CHN1: variants seen among roughly 807,000 people sequenced by gnomAD.
CHN1 encodes the protein N-chimaerin.
CHN1 carries 37 observed loss-of-function variants against 59.5 expected under a neutral mutation model. The observed-to-expected ratio is 0.62, with a 90% CI of 0.48 to 0.82. The LOEUF (loss-of-function observed/expected upper bound fraction) is 0.82. CHN1 is among the 40% of genes least tolerant of loss of function. The pLI, the probability that CHN1 is intolerant of heterozygous loss-of-function variation, is 0.00. For missense variants in CHN1, 469 were observed against 571.0 expected (o/e 0.82, Z 1.82); for synonymous variants, 206 against 200.4 (o/e 1.03, Z -0.24).
chr2:174,858,383 T>C (rs140304561), intron 6 of CHN1, among the ~76,000 whole-genome samples: 1 of 152,136 alleles, frequency 6.6e-6, no homozygotes, highest in South Asian at 2.1e-4. Context: ...TTTTGAAAAT[T>C]TGCTTTTATT....
At chr2:174,925,392 A>C (rs1689139008) in intron 3 of CHN1, among the ~76,000 whole-genome samples, 1 of 152,242 alleles carries the variant, frequency 6.6e-6, no homozygotes, top group African/African-American at 2.4e-5. Context: ...TTATCCCAAA[A>C]TATATTTCTT....
chr2:174,803,374 T>C (rs1684789115), intron 11 of CHN1, among the ~76,000 whole-genome samples: 2 of 152,212 alleles, frequency 1.3e-5, no homozygotes, highest in African/African-American at 4.8e-5. Context: ...TCTTCACAGT[T>C]CCTGGCTCAT....
chr2:174,935,494 T>C (rs1193625), intron 3 of CHN1, among the ~76,000 whole-genome samples: 15,342 of 152,268 alleles, frequency 0.1, 1,688 homozygotes, highest in African/African-American at 0.27. Flanking sequence ...TTCCACCCTA[T>C]AAGCATTTAA....
chr2:174,913,331 T>C (rs560836311), intron 5 of CHN1, among the ~76,000 whole-genome samples: 1 of 152,296 alleles, frequency 6.6e-6, no homozygotes, highest in South Asian at 2.1e-4. Context: ...TTCTGGACCA[T>C]TTACATCAAG....
chr2:174,946,814 A>G (rs1044906712), intron 2 of CHN1, among the ~76,000 whole-genome samples: 2 of 150,810 alleles, frequency 1.3e-5, no homozygotes, highest in African/African-American at 2.4e-5. Flanking sequence ...TTGTAATCCC[A>G]GCACTTTGGG....
chr2:174,984,725 T>C (rs1691282781), intron 1 of CHN1, among the ~76,000 whole-genome samples: 1 of 152,162 alleles, frequency 6.6e-6, no homozygotes, highest in South Asian at 2.1e-4. Flanking sequence ...TAAATGATGG[T>C]AACCTGAAAC....
At chr2:174,973,173 T>C (rs1690813397) in intron 1 of CHN1, among the ~76,000 whole-genome samples, 1 of 152,182 alleles carries the variant, frequency 6.6e-6, no homozygotes, top group East Asian at 1.9e-4. Flanking sequence ...TCTGGTATCT[T>C]CCACAGTTGA....
At chr2:174,878,196 AC>A (rs1687632250) in intron 5 of CHN1, 68 bp from the exon 6 acceptor site, 3 of 1,383,044 alleles carry the variant, frequency 2.2e-6, no homozygotes, top group Admixed American at 5.3e-5. Context: ...TGAAAAAAAA[AC>A]AAAAACAAAA....
At chr2:174,847,588 C>T (rs1574084616) in intron 6 of CHN1, 1 of 1,299,622 alleles carries the variant, frequency 7.7e-7, no homozygotes, top group Non-Finnish European at 1.0e-6. Flanking sequence ...CCCTATGAAG[C>T]CCCTAGCAGG....
At position 175,004,923 on chromosome 2, in the gene CHN1, C is replaced by T; in HGVS notation, c.-11G>A. Reference sequence around the variant, plus strand: ...CAGGGTCAGGGCCATTGTAAAGGCGCTCGCCGCCGCCCGCGAGTCCAGGCG... The same window carrying T: ...CAGGGTCAGGGCCATTGTAAAGGCGTTCGCCGCCGCCCGCGAGTCCAGGCG... On this transcript the variant is annotated 5_prime_UTR_variant, in exon 1 of 13. Transcript: ENST00000409900. 2 of 1,534,702 alleles carry T rather than the reference C, an allele frequency of 1.3e-6. No individual in the cohort carries two copies.
chr2:174,871,151 T>C (rs1687392762), intron 6 of CHN1, among the ~76,000 whole-genome samples: 1 of 148,212 alleles, frequency 6.7e-6, no homozygotes, highest in African/African-American at 2.4e-5. Context: ...CAACACAAAA[T>C]TGATGGCCAT....
At chr2:174,963,895 T>A (rs1393210056) in intron 1 of CHN1, among the ~76,000 whole-genome samples, 2 of 152,226 alleles carry the variant, frequency 1.3e-5, no homozygotes, top group African/African-American at 4.8e-5. Context: ...GGAGAGAAGC[T>A]TCATGTCTAA....
chr2:174,925,583 A>C (rs950080947), intron 3 of CHN1, among the ~76,000 whole-genome samples: 13 of 152,294 alleles, frequency 8.5e-5, no homozygotes, highest in Non-Finnish European at 1.8e-4. Flanking sequence ...TTTCTCTCCA[A>C]AGGCTGCTAC....
At chr2:174,860,807 G>T (rs1208842297) in intron 6 of CHN1, among the ~76,000 whole-genome samples, 4 of 151,916 alleles carry the variant, frequency 2.6e-5, no homozygotes, top group Admixed American at 2.6e-4. Flanking sequence ...CTCCCCTCAT[G>T]GGCTTTCTGA....
At chr2:174,830,421 A>C (rs1347979493) in intron 7 of CHN1, among the ~76,000 whole-genome samples, 1 of 152,186 alleles carries the variant, frequency 6.6e-6, no homozygotes, top group African/African-American at 2.4e-5. Context: ...GTATCAAGGC[A>C]ATACCTTCTT....
chr2:174,972,553 TG>T (rs772203191), intron 1 of CHN1, among the ~76,000 whole-genome samples: 1 of 152,086 alleles, frequency 6.6e-6, no homozygotes, highest in Non-Finnish European at 1.5e-5. Context: ...GATCTAGGAT[TG>T]GGAAGAAAAA....
At chr2:174,994,558 A>G (rs892255702) in intron 1 of CHN1, among the ~76,000 whole-genome samples, 8 of 152,218 alleles carry the variant, frequency 5.3e-5, no homozygotes, top group South Asian at 2.1e-4. Flanking sequence ...GAGACTATAA[A>G]CTATTACGTC....
intron 6 of CHN1, among the ~76,000 whole-genome samples, chr2:174,856,215 T>C (rs924105932): frequency 6.6e-6 from 1 of 152,120 alleles, no homozygotes; most frequent in Non-Finnish European, 1.5e-5. Context: ...ATAAATAAAT[T>C]TTTATATTAC....
chr2:174,831,668 T>C (rs1685883008), intron 7 of CHN1, among the ~76,000 whole-genome samples: 1 of 152,180 alleles, frequency 6.6e-6, no homozygotes, highest in African/African-American at 2.4e-5. Flanking sequence ...TGTTTAGGCT[T>C]CTTTTAAGTT....
Sources: allele counts gnomAD v4.1 joint callset (sites outside exome capture counted in the v4.1 genomes callset), GRCh38; gene constraint gnomAD v4.1.1; transcripts MANE v1.5; gene names NCBI Gene and HGNC (gene_info 2026-07-23, HGNC 2026-07-21).